Variants in OR3A2 observed in about 807,000 individuals in gnomAD.
OR3A2 encodes olfactory receptor 3A2.
For synonymous variants in OR3A2, 126 were observed against 159.3 expected (o/e 0.79, Z 1.57); for missense variants, 318 against 392.8 (o/e 0.81, Z 1.61).
In OR3A2 at chr17:3,311,850, G is replaced by A; in HGVS notation, c.-85+24183C>T. The A allele has an allele frequency of 6.0e-6, 1 of 167,556 alleles. No individual in the cohort carries two copies. The highest frequency in any genetic ancestry group is 1.3e-5 in the Non-Finnish European group (1 of 75,302). The allele number at this position is 167,556 out of a possible 1,614,324, so 10.4% of individuals were successfully genotyped here. A position where few individuals can be genotyped will look rare whatever the true frequency, so the allele number is the denominator to read the frequency against. On this transcript the variant is annotated intron_variant, in intron 3 of 4. Transcript: ENST00000573491. The surrounding 1 kb of genome is among the most constrained non-coding windows in gnomAD (Gnocchi z 4.6). ...TCAACACTATCCTCAGTCCCATGCTGAACCCAGTCATTTACAGCCTCCAGA... is the reference window on the plus strand; with the variant it reads ...TCAACACTATCCTCAGTCCCATGCTAAACCCAGTCATTTACAGCCTCCAGA...
chr17:3,352,196 T>C (rs2049425278), intron 2 of OR3A2, among the ~76,000 whole-genome samples: 1 of 152,024 alleles, frequency 6.6e-6, no homozygotes, highest in South Asian at 2.1e-4. Context: ...TCTCCCATTC[T>C]GTGGGCTGTC....
intron 3 of OR3A2, among the ~76,000 whole-genome samples, chr17:3,319,568 T>C (rs1408842950): frequency 1.3e-5 from 2 of 152,078 alleles, no homozygotes; most frequent in Non-Finnish European, 2.9e-5. Context: ...GATGTTCCCC[T>C]TCCGGGTCCA....
At chr17:3,351,941 C>A (rs932687109) in intron 2 of OR3A2, among the ~76,000 whole-genome samples, 6 of 152,110 alleles carry the variant, frequency 3.9e-5, no homozygotes, top group African/African-American at 1.4e-4. Context: ...GAAAGGATTC[C>A]CTACTTAATA....
At chr17:3,344,664 CCA>C (rs2049347946) in intron 2 of OR3A2, among the ~76,000 whole-genome samples, 1 of 152,168 alleles carries the variant, frequency 6.6e-6, no homozygotes, top group South Asian at 2.1e-4. Context: ...ACCTACATAA[CCA>C]CACTCCAATA....
At chr17:3,277,822 G>T (rs989736030) in exon 2 of OR3A2, 2 of 818,064 alleles carry the variant, frequency 2.4e-6, no homozygotes, top group Non-Finnish European at 3.9e-6. Context: ...ATTATGTAGG[G>T]TTTCCTAGTA....
At position 3,381,696 on chromosome 17, in the gene OR3A2, T is replaced by C. The variant is rs141787917; in HGVS notation, c.-179+2108A>G. ...AAAGAGGTTAAGAAGCTTCCTGGAG[T>C]TTCTCTTGTATTTCCTTTGTACGTG... On this transcript the variant is annotated intron_variant, in intron 2 of 4. Coordinates refer to the OR3A2 transcript ENST00000573491. Among the ~76,000 whole-genome samples, 33 of 152,008 alleles carry C rather than the reference T, an allele frequency of 2.2e-4. No homozygotes were observed. In the East Asian group the frequency reaches 6.4e-3, roughly 29 times the overall value.
At chr17:3,305,973 T>G (rs1002321282) in intron 3 of OR3A2, among the ~76,000 whole-genome samples, 3 of 152,196 alleles carry the variant, frequency 2.0e-5, no homozygotes, top group Non-Finnish European at 4.4e-5. Flanking sequence ...TGTGCTCAAT[T>G]AATAGATGCC....
chr17:3,291,875 GC>G, intron 3 of OR3A2: 15 of 1,614,224 alleles, frequency 9.3e-6, no homozygotes, highest in Non-Finnish European at 1.3e-5. Context: ...CTTTCTTCCT[GC>G]CCTCTACAGA....
At chr17:3,348,679 A>C (rs1468248465) in intron 2 of OR3A2, among the ~76,000 whole-genome samples, 5 of 152,046 alleles carry the variant, frequency 3.3e-5, no homozygotes, top group Admixed American at 2.0e-4. Context: ...AATACAGACA[A>C]CACCACAAAG....
chr17:3,369,960 C>T (rs573830963), intron 2 of OR3A2, among the ~76,000 whole-genome samples: 1 of 152,008 alleles, frequency 6.6e-6, no homozygotes, highest in Non-Finnish European at 1.5e-5. Flanking sequence ...CATGCCACCA[C>T]GCATGGCTAA....
intron 3 of OR3A2, chr17:3,291,712 T>C (rs538476251): frequency 1.9e-6 from 3 of 1,612,952 alleles, no homozygotes; most frequent in East Asian, 2.2e-5. Flanking sequence ...CTGTAGATGA[T>C]TGGGTTCAGC....
chr17:3,310,824 T>C (rs776729937), intron 3 of OR3A2: 1 of 980,954 alleles, frequency 1.0e-6, no homozygotes, highest in Non-Finnish European at 1.5e-6. Flanking sequence ...TCTTAACTTC[T>C]GTGGCCCCAA....
chr17:3,370,724 T>C (rs1337416017), intron 2 of OR3A2, among the ~76,000 whole-genome samples: 2 of 151,686 alleles, frequency 1.3e-5, no homozygotes, highest in Admixed American at 6.6e-5. Context: ...GGTCAGCAGA[T>C]AAACAAGTGA....
At chr17:3,380,680 G>A (rs368594186) in intron 2 of OR3A2, among the ~76,000 whole-genome samples, 33 of 152,306 alleles carry the variant, frequency 2.2e-4, no homozygotes, top group African/African-American at 7.7e-4. Flanking sequence ...GGCTCATCCA[G>A]GACTAAGACT....
chr17:3,331,222 T>C (rs1221777334), intron 3 of OR3A2, among the ~76,000 whole-genome samples: 4 of 151,882 alleles, frequency 2.6e-5, no homozygotes, highest in African/African-American at 9.7e-5. Flanking sequence ...GGAGTAACTT[T>C]GTGGCGTTCT....
At chr17:3,346,269 G>A (rs975031699) in intron 2 of OR3A2, among the ~76,000 whole-genome samples, 1 of 152,104 alleles carries the variant, frequency 6.6e-6, no homozygotes, top group Non-Finnish European at 1.5e-5. Flanking sequence ...ATGGGTACAT[G>A]GTAGGTGTAC....
At chr17:3,291,574 G>A (rs1045936098) in intron 3 of OR3A2, 11 of 1,363,988 alleles carry the variant, frequency 8.1e-6, no homozygotes, top group Non-Finnish European at 1.1e-5. Flanking sequence ...CCTAGTTTCT[G>A]GCTCTAGAAG....
intron 3 of OR3A2, among the ~76,000 whole-genome samples, chr17:3,290,382 A>G (rs1355196098): frequency 6.6e-6 from 1 of 151,924 alleles, no homozygotes; most frequent in South Asian, 2.1e-4. Flanking sequence ...TCCACTTGCA[A>G]TTCTCTCCCA....
chr17:3,311,055 A>G lies in OR3A2; in HGVS notation c.-85+24978T>C, dbSNP rs761159181. The G allele has an allele frequency of 1.8e-6, 1 of 545,798 alleles. No individual in the cohort carries two copies. Among genetic ancestry groups the G allele is most frequent in the Non-Finnish European group, 3.7e-6 (1 of 267,700 alleles). The allele number at this position is 545,798 out of a possible 1,614,324, so 33.8% of individuals were successfully genotyped here. On this transcript the variant is annotated intron_variant, in intron 3 of 4. Transcript: ENST00000573491. This position sits in a 1 kb window ranked among gnomAD's most constrained non-coding sequence, Gnocchi z 4.6. ...CTTCTCCACGTGTAGTTCCCACCTC[A>G]CTGTGGTGGGCATCTTCTATGGGAC... is the stretch of plus-strand genomic sequence containing the variant.
Sources: allele counts gnomAD v4.1 joint callset (sites outside exome capture counted in the v4.1 genomes callset), GRCh38; gene constraint gnomAD v4.1.1; non-coding constraint Gnocchi (gnomAD v3.1); transcripts MANE v1.5; gene names NCBI Gene and HGNC (gene_info 2026-07-23, HGNC 2026-07-21).